Variants in SLC24A2 observed in about 807,000 individuals in gnomAD.
SLC24A2 encodes the protein solute carrier family 24 member 2.
SLC24A2 carries 36 observed loss-of-function variants against 62.0 expected under a neutral mutation model. That is an observed-to-expected ratio of 0.58 (90% CI 0.44 to 0.77). The LOEUF (loss-of-function observed/expected upper bound fraction) is 0.77. SLC24A2 is among the 30% of genes least tolerant of loss of function. The probability of loss-of-function intolerance (pLI) is 0.00; values close to 1 mark genes in which losing one functional copy is unlikely to be tolerated. For missense variants in SLC24A2, 846 were observed against 817.9 expected (o/e 1.03, Z -0.42); for synonymous variants, 358 against 294.0 (o/e 1.22, Z -2.23).
chr9:19,698,775 G>A (rs930490417), intron 2 of SLC24A2, among the ~76,000 whole-genome samples: 5 of 152,146 alleles, frequency 3.3e-5, no homozygotes, highest in Non-Finnish European at 7.4e-5. Flanking sequence ...ATTGCAGAAG[G>A]AAAGGAATCC....
chr9:19,607,472 A>G (rs1837018539), intron 4 of SLC24A2, among the ~76,000 whole-genome samples: 1 of 152,012 alleles, frequency 6.6e-6, no homozygotes, highest in Non-Finnish European at 1.5e-5. Flanking sequence ...ATCCCAGCAC[A>G]TTGGGAGGAG....
chr9:19,602,595 A>C (rs982819544), intron 4 of SLC24A2, among the ~76,000 whole-genome samples: 2 of 152,208 alleles, frequency 1.3e-5, no homozygotes, highest in African/African-American at 4.8e-5. Context: ...TAAAGATATT[A>C]GGTTTTGGTT....
At chr9:20,174,356 G>T in the SLC24A2 span, among the ~76,000 whole-genome samples, 1 of 151,930 alleles carries the variant, frequency 6.6e-6, no homozygotes, top group Non-Finnish European at 1.5e-5. Flanking sequence ...AAATAGCTGG[G>T]ACTTAATTAA....
At chr9:19,909,216 GC>G in the SLC24A2 span, among the ~76,000 whole-genome samples, 1 of 152,012 alleles carries the variant, frequency 6.6e-6, no homozygotes, top group Non-Finnish European at 1.5e-5. Flanking sequence ...GTCATTCTCA[GC>G]AAACTATCAC....
the SLC24A2 span, among the ~76,000 whole-genome samples, chr9:19,877,936 G>A: frequency 6.6e-6 from 1 of 152,048 alleles, no homozygotes; most frequent in African/African-American, 2.4e-5. Context: ...ATAAATTTAT[G>A]TATGTGCTTA....
intron 2 of SLC24A2, among the ~76,000 whole-genome samples, chr9:19,684,354 C>A (rs1192011359): frequency 6.6e-6 from 1 of 152,080 alleles, no homozygotes; most frequent in Non-Finnish European, 1.5e-5. Flanking sequence ...AGGGTAACAT[C>A]CTTAAAGCAA....
At chr9:20,045,226 G>C in the SLC24A2 span, among the ~76,000 whole-genome samples, 1 of 152,064 alleles carries the variant, frequency 6.6e-6, no homozygotes, top group Non-Finnish European at 1.5e-5. Context: ...CAGCCTAGTG[G>C]GGAAGACAGA....
At chr9:19,909,763 C>T in the SLC24A2 span, among the ~76,000 whole-genome samples, 3 of 152,048 alleles carry the variant, frequency 2.0e-5, no homozygotes, top group Non-Finnish European at 2.9e-5. Flanking sequence ...ACAGAAAACC[C>T]TTCCTGCATC....
the SLC24A2 span, among the ~76,000 whole-genome samples, chr9:20,289,982 T>C: frequency 1.3e-5 from 2 of 152,122 alleles, no homozygotes; most frequent in Non-Finnish European, 2.9e-5. Flanking sequence ...TGCTCATAAA[T>C]CAGGGCTGGG....
intron 8 of SLC24A2, among the ~76,000 whole-genome samples, chr9:19,539,347 T>C (rs541699192): frequency 2.0e-5 from 3 of 148,140 alleles, no homozygotes; most frequent in South Asian, 2.3e-4. Flanking sequence ...CATTTAGTGC[T>C]ATAAATTTCC....
the SLC24A2 span, among the ~76,000 whole-genome samples, chr9:19,920,950 C>T: frequency 6.6e-6 from 1 of 151,948 alleles, no homozygotes; most frequent in African/African-American, 2.4e-5. Flanking sequence ...ACTCAGTTCC[C>T]TCATCTATAA....
At chr9:19,648,422 G>A (rs1304767157) in intron 2 of SLC24A2, among the ~76,000 whole-genome samples, 4 of 152,126 alleles carry the variant, frequency 2.6e-5, no homozygotes, top group Non-Finnish European at 5.9e-5. Context: ...GAGTTGGATG[G>A]CACTTATGGA....
chr9:19,544,080 C>T (rs1319099928), intron 8 of SLC24A2, among the ~76,000 whole-genome samples: 2 of 152,068 alleles, frequency 1.3e-5, no homozygotes, highest in Non-Finnish European at 2.9e-5. Flanking sequence ...CTTTGTGGAT[C>T]TCTAAGAACT....
chr9:19,511,136 G>A lies in SLC24A2; in HGVS notation c.*5017C>T, dbSNP rs546185287. ...CGGGTGATTACATGCCACAACCTGCGCAGGTCCAAAGCTCCTGGTGAAAAA... is the reference window on the plus strand; with the variant it reads ...CGGGTGATTACATGCCACAACCTGCACAGGTCCAAAGCTCCTGGTGAAAAA... On this transcript the variant is annotated 3_prime_UTR_variant, in exon 11 of 11. Coordinates refer to ENST00000341998, the MANE Select transcript of SLC24A2 (RefSeq NM_020344.4). The A allele has an allele frequency of 3.3e-5, 5 of 152,308 alleles. No homozygotes were observed. The highest frequency in any genetic ancestry group is 3.9e-4 in the East Asian group (2 of 5,186). 9.4% of individuals were successfully genotyped at this position (152,308 alleles called of 1,614,324 possible).
At chr9:19,535,746 G>T (rs1172326711) in intron 8 of SLC24A2, among the ~76,000 whole-genome samples, 1 of 152,022 alleles carries the variant, frequency 6.6e-6, no homozygotes, top group Non-Finnish European at 1.5e-5. Context: ...TGCTGTTTTG[G>T]TTACGGTAGC....
chr9:19,731,043 C>T (rs971440804), intron 2 of SLC24A2, among the ~76,000 whole-genome samples: 8 of 152,110 alleles, frequency 5.3e-5, no homozygotes, highest in African/African-American at 1.7e-4. Context: ...TTGAGTTCAT[C>T]TTTCAAAATA....
At chr9:20,010,766 C>G in the SLC24A2 span, among the ~76,000 whole-genome samples, 1 of 128,102 alleles carries the variant, frequency 7.8e-6, no homozygotes, top group Non-Finnish European at 1.6e-5. Flanking sequence ...CCCCTCCCCC[C>G]ACCCCATGAC....
the SLC24A2 span, among the ~76,000 whole-genome samples, chr9:19,998,020 A>G: frequency 2.0e-5 from 3 of 152,188 alleles, no homozygotes; most frequent in African/African-American, 7.2e-5. Context: ...ACTATTAAGG[A>G]TAAGCCATAC....
intron 2 of SLC24A2, among the ~76,000 whole-genome samples, chr9:19,782,711 A>G (rs1268837020): frequency 6.6e-6 from 1 of 152,246 alleles, no homozygotes; most frequent in African/African-American, 2.4e-5. Context: ...AGGCATTAAC[A>G]TTCATTGAAA....
Sources: gnomAD v4.1 joint callset for allele counts (sites outside exome capture counted in the v4.1 genomes callset) on GRCh38, gnomAD v4.1.1 for gene constraint, MANE v1.5 for transcripts, NCBI Gene and HGNC (gene_info 2026-07-23, HGNC 2026-07-21) for gene names.